The following SLC4A4 variants were observed in gnomAD, a reference collection of about 807,000 sequenced individuals.
SLC4A4 encodes electrogenic sodium bicarbonate cotransporter 1.
A neutral mutation model predicts 111.5 loss-of-function variants in SLC4A4; 27 were observed. The ratio of observed to expected loss-of-function variants is 0.24; its 90% CI spans 0.18 to 0.33. The LOEUF (loss-of-function observed/expected upper bound fraction) is 0.33. Among genes scored for constraint, SLC4A4 ranks in the 10% least tolerant of loss-of-function variants. The pLI, the probability that SLC4A4 is intolerant of heterozygous loss-of-function variation, is 1.00. For synonymous variants in SLC4A4, 443 were observed against 463.4 expected (o/e 0.96, Z 0.57); for missense variants, 909 against 1,315.5 (o/e 0.69, Z 4.78).
At chr4:71,393,935 G>A (rs1383744155) in intron 6 of SLC4A4, among the ~76,000 whole-genome samples, 1 of 152,102 alleles carries the variant, frequency 6.6e-6, no homozygotes, top group Non-Finnish European at 1.5e-5. Context: ...TTCAACAAAT[G>A]GTGCTGAGAT....
At chr4:71,346,019 A>G (rs1035578647) in intron 4 of SLC4A4, among the ~76,000 whole-genome samples, 2 of 152,090 alleles carry the variant, frequency 1.3e-5, no homozygotes, top group African/African-American at 4.8e-5. Context: ...GTTGGAATTT[A>G]TTTAGTGTAA....
At chr4:71,091,492 A>T (rs2148940994) in intron 1 of SLC4A4, among the ~76,000 whole-genome samples, 1 of 151,622 alleles carries the variant, frequency 6.6e-6, no homozygotes, top group Middle Eastern at 3.4e-3. Flanking sequence ...TGACCTCATG[A>T]TCTGCTTGTC....
chr4:71,073,049 G>A (rs1399873999), intron 1 of SLC4A4, among the ~76,000 whole-genome samples: 2 of 152,108 alleles, frequency 1.3e-5, no homozygotes, highest in Non-Finnish European at 1.5e-5. Context: ...TTACAGGTGT[G>A]AGCCACAGTG....
chr4:71,332,390 A>C (rs965341166), intron 3 of SLC4A4, among the ~76,000 whole-genome samples: 1 of 149,664 alleles, frequency 6.7e-6, no homozygotes, highest in Non-Finnish European at 1.5e-5. Flanking sequence ...TGTTTTCTAG[A>C]TCTCACAGGT....
intron 9 of SLC4A4, 83 bp from the exon 10 acceptor site, chr4:71,450,306 G>T: frequency 1.0e-6 from 1 of 964,834 alleles, no homozygotes; most frequent in South Asian, 1.3e-5. Flanking sequence ...AGTTGTTATG[G>T]GCTGCATTCT....
At chr4:71,160,786 A>G (rs1366831298) in intron 2 of SLC4A4, among the ~76,000 whole-genome samples, 1 of 152,192 alleles carries the variant, frequency 6.6e-6, no homozygotes, top group Non-Finnish European at 1.5e-5. Flanking sequence ...TACCCCCACT[A>G]CCACAACCAA....
intron 2 of SLC4A4, among the ~76,000 whole-genome samples, chr4:71,172,317 G>A (rs191842723): frequency 7.3e-5 from 11 of 150,562 alleles, no homozygotes; most frequent in Admixed American, 4.0e-4. Flanking sequence ...GTGCAGTGGC[G>A]TGATCTTGGC....
chr4:71,458,407 A>G (rs12513167), intron 12 of SLC4A4, among the ~76,000 whole-genome samples: 10,579 of 152,140 alleles, frequency 0.07, 794 homozygotes, highest in East Asian at 0.43. Context: ...TACATTGTTG[A>G]TTGTGAATGA....
At chr4:71,256,292 A>G (rs1297256704) in intron 3 of SLC4A4, among the ~76,000 whole-genome samples, 2 of 152,228 alleles carry the variant, frequency 1.3e-5, no homozygotes, top group Non-Finnish European at 2.9e-5. Context: ...TGGCACAGAT[A>G]AAGATCGGGT....
chr4:71,447,599 T>C, intron 8 of SLC4A4, 47 bp from the exon 9 acceptor site: 1 of 1,175,946 alleles, frequency 8.5e-7, no homozygotes, highest in Non-Finnish European at 1.3e-6. Context: ...TATGTTGAGT[T>C]TGATGAAATG....
intron 17 of SLC4A4, among the ~76,000 whole-genome samples, chr4:71,533,744 A>G (rs1238223872): frequency 4.6e-5 from 7 of 152,100 alleles, no homozygotes; most frequent in African/African-American, 1.7e-4. Context: ...AAAATTCGGC[A>G]ATAGTATAAA....
chr4:71,348,150 A>G (rs1477538742), intron 4 of SLC4A4, among the ~76,000 whole-genome samples: 1 of 152,156 alleles, frequency 6.6e-6, no homozygotes, highest in Non-Finnish European at 1.5e-5. Flanking sequence ...TCCATCAAAA[A>G]TAAATTAGTT....
chr4:71,301,024 C>A, intron 3 of SLC4A4: 1 of 437,182 alleles, frequency 2.3e-6, no homozygotes, highest in Non-Finnish European at 4.7e-6. Context: ...TGCTTGCCAG[C>A]CCACTAGAAG....
At chr4:71,135,655 C>T (rs897280021) in intron 2 of SLC4A4, among the ~76,000 whole-genome samples, 1 of 152,142 alleles carries the variant, frequency 6.6e-6, no homozygotes, top group African/African-American at 2.4e-5. Flanking sequence ...ACTATAGTTG[C>T]CACATTTTAC....
chr4:71,474,706 TA>T (rs5859264), intron 14 of SLC4A4, among the ~76,000 whole-genome samples: 20,273 of 151,762 alleles, frequency 0.13, 1,593 homozygotes, highest in African/African-American at 0.22. Context: ...AACCCATATT[TA>T]AAAGCAATGC....
At chr4:71,558,008 A>G (rs1736626086) in intron 22 of SLC4A4, 123 bp downstream of exon 22, 3 of 773,666 alleles carry the variant, frequency 3.9e-6, no homozygotes, top group South Asian at 3.0e-5. Flanking sequence ...TGACCTCATC[A>G]CTTTGATCAG....
intron 2 of SLC4A4, among the ~76,000 whole-genome samples, chr4:71,118,175 C>A (rs1454706642): frequency 2.0e-5 from 3 of 152,152 alleles, no homozygotes; most frequent in Admixed American, 2.0e-4. Flanking sequence ...CCATGCCTGG[C>A]CTTTTAAATA....
chr4:71,364,010 T>G (rs1483837387), intron 6 of SLC4A4, among the ~76,000 whole-genome samples: 1 of 152,228 alleles, frequency 6.6e-6, no homozygotes, highest in Non-Finnish European at 1.5e-5. Flanking sequence ...ATTTTCCAAA[T>G]GCATAATGTT....
At chr4:71,338,549 G>A (rs990793815) in intron 3 of SLC4A4, among the ~76,000 whole-genome samples, 55 of 142,826 alleles carry the variant, frequency 3.9e-4, no homozygotes, top group African/African-American at 1.3e-3. Flanking sequence ...TTCTTCTTTC[G>A]TCGTCTTCTT....
Sources: allele counts gnomAD v4.1 joint callset (sites outside exome capture counted in the v4.1 genomes callset), GRCh38; gene constraint gnomAD v4.1.1; transcripts MANE v1.5; gene names NCBI Gene and HGNC (gene_info 2026-07-23, HGNC 2026-07-21).